Variants in CPXM2 observed in about 807,000 individuals in gnomAD.
CPXM2 encodes inactive carboxypeptidase-like protein X2.
CPXM2 carries 66 observed loss-of-function variants against 86.1 expected under a neutral mutation model. The ratio of observed to expected loss-of-function variants is 0.77; its 90% CI spans 0.63 to 0.94. The LOEUF is 0.94. Ranked by LOEUF, CPXM2 falls within the 40% of genes least tolerant of loss-of-function variation. The pLI, the probability that CPXM2 is intolerant of heterozygous loss-of-function variation, is 0.00. For synonymous variants in CPXM2, 388 were observed against 400.2 expected (o/e 0.97, Z 0.36); for missense variants, 948 against 1,026.3 (o/e 0.92, Z 1.04).
chr10:123,807,730 T>C (rs1847610386), intron 4 of CPXM2, among the ~76,000 whole-genome samples: 1 of 152,186 alleles, frequency 6.6e-6, no homozygotes, highest in Admixed American at 6.5e-5. Context: ...AAGCTGATTA[T>C]GTTATTCTTT....
chr10:123,831,414 G>T (rs1848163955), intron 4 of CPXM2, among the ~76,000 whole-genome samples: 1 of 152,262 alleles, frequency 6.6e-6, no homozygotes, highest in Non-Finnish European at 1.5e-5. Flanking sequence ...CCATGACCCA[G>T]TATCGGACAG....
chr10:123,756,174 C>A (rs1478383736), intron 12 of CPXM2, among the ~76,000 whole-genome samples: 2 of 152,148 alleles, frequency 1.3e-5, no homozygotes, highest in East Asian at 1.9e-4. Context: ...GGAAGGGGAA[C>A]CTTGTGTCCA....
chr10:123,813,214 T>C (rs1420647728), intron 4 of CPXM2, among the ~76,000 whole-genome samples: 1 of 152,236 alleles, frequency 6.6e-6, no homozygotes, highest in Non-Finnish European at 1.5e-5. Context: ...AAAGAGCAAC[T>C]GTATTAACAT....
At chr10:123,911,409 C>T (rs1439071506) in intron 2 of CPXM2, among the ~76,000 whole-genome samples, 2 of 152,106 alleles carry the variant, frequency 1.3e-5, no homozygotes, top group Admixed American at 6.5e-5. Flanking sequence ...GGGCTCCTAT[C>T]CCAGCCTTAG....
intron 4 of CPXM2, among the ~76,000 whole-genome samples, chr10:123,837,779 G>A (rs554701050): frequency 4.4e-4 from 67 of 152,070 alleles, no homozygotes; most frequent in Admixed American, 1.8e-3. Flanking sequence ...ATAAGTTATC[G>A]TATTACTTTC....
intron 4 of CPXM2, among the ~76,000 whole-genome samples, chr10:123,835,547 G>A (rs1017503966): frequency 6.6e-5 from 10 of 152,122 alleles, no homozygotes; most frequent in Admixed American, 4.6e-4. Context: ...AAACACTATG[G>A]TTCAGAAACT....
At chr10:123,806,493 T>G (rs1350428323) in intron 4 of CPXM2, among the ~76,000 whole-genome samples, 1 of 152,192 alleles carries the variant, frequency 6.6e-6, no homozygotes, top group Admixed American at 6.5e-5. Context: ...GTTATCTACA[T>G]GGAGATTATA....
Position 123,881,158 on chromosome 10 carries a change from G to A in CPXM2, c.305-849C>T, listed in dbSNP as rs987558904. ...CCCTGCTCCAGCAACACTGGCCTCC[G>A]TTTAGCCTTCAGTTCATGCTTCTTC... On this transcript the variant is annotated intron_variant, in intron 1 of 13. Transcript: ENST00000241305. 5.3e-5 allele frequency among the ~76,000 whole-genome samples: 8 copies of A among 150,948 alleles called. No homozygotes were observed. In the East Asian group the frequency reaches 7.7e-4, roughly 15 times the overall value.
intron 2 of CPXM2, among the ~76,000 whole-genome samples, chr10:123,901,313 C>T (rs778865195): frequency 9.8e-5 from 15 of 152,288 alleles, no homozygotes; most frequent in Middle Eastern, 6.8e-3. Context: ...GCTTCACTGA[C>T]TAGCTCCAGT....
upstream of CPXM2, among the ~76,000 whole-genome samples, chr10:123,896,180 T>C (rs936095391): frequency 7.9e-5 from 12 of 152,248 alleles, no homozygotes; most frequent in Non-Finnish European, 1.5e-4. Context: ...TTACGGACTT[T>C]TCACACCTGC....
At chr10:123,932,182 T>G (rs182015708) in intron 2 of CPXM2, among the ~76,000 whole-genome samples, 1 of 152,072 alleles carries the variant, frequency 6.6e-6, no homozygotes, top group East Asian at 1.9e-4. Flanking sequence ...TGGTGGTTGG[T>G]TATGTAATGC....
chr10:123,861,557 TC>T (rs1848849029), intron 3 of CPXM2, among the ~76,000 whole-genome samples: 1 of 152,124 alleles, frequency 6.6e-6, no homozygotes, highest in African/African-American at 2.4e-5. Context: ...AGGGAGATGA[TC>T]CCAGGCTATC....
chr10:123,815,998 C>T (rs539790300), intron 4 of CPXM2, among the ~76,000 whole-genome samples: 6 of 152,152 alleles, frequency 3.9e-5, no homozygotes, highest in Admixed American at 1.3e-4. Context: ...AGTTTATTTG[C>T]TTGGTTAGCT....
Position 123,875,302 on chromosome 10 carries a change from G to A in CPXM2, c.403+4909C>T, listed in dbSNP as rs1415267004. On this transcript the variant is annotated intron_variant, in intron 2 of 13. Coordinates refer to ENST00000241305, the MANE Select transcript of CPXM2 (RefSeq NM_198148.3). The stretch of plus-strand genomic sequence containing the variant: ...AATAGCAAGGAGTAGGGGCACCTTT[G>A]GTTTCCCAGTGCCCACATTTCTTGG... 2.6e-5 allele frequency among the ~76,000 whole-genome samples: 4 copies of A among 152,292 alleles called. No individual in the cohort carries two copies. The East Asian group carries it at 7.7e-4, about 29-fold the overall frequency.
intron 4 of CPXM2, among the ~76,000 whole-genome samples, chr10:123,805,301 C>A (rs1847554628): frequency 6.6e-6 from 1 of 151,902 alleles, no homozygotes; most frequent in East Asian, 1.9e-4. Flanking sequence ...CTTGAGGTCA[C>A]TGATTGTCAG....
At chr10:123,818,793 G>A (rs1045625235) in intron 4 of CPXM2, among the ~76,000 whole-genome samples, 23 of 152,148 alleles carry the variant, frequency 1.5e-4, no homozygotes, top group African/African-American at 4.6e-4. Context: ...ATACTTTGCA[G>A]GGCTGGGGCA....
chr10:123,862,783 A>T (rs1848882786), intron 2 of CPXM2, 60 bp from the exon 3 acceptor site: 1 of 1,454,538 alleles, frequency 6.9e-7, no homozygotes, highest in African/African-American at 1.4e-5. Flanking sequence ...TGAGTTTCTT[A>T]TTTTCTAAAT....
chr10:123,907,330 A>G (rs528254294), intron 2 of CPXM2, among the ~76,000 whole-genome samples: 1 of 152,354 alleles, frequency 6.6e-6, no homozygotes, highest in South Asian at 2.1e-4. Flanking sequence ...TAGAAGAGAG[A>G]CTATTATTCA....
At chr10:123,853,410 T>C (rs547894957) in intron 3 of CPXM2, among the ~76,000 whole-genome samples, 1 of 152,188 alleles carries the variant, frequency 6.6e-6, no homozygotes, top group African/African-American at 2.4e-5. Context: ...AATCCTTGTT[T>C]TGGTCATTTA....
Sources: gnomAD v4.1 joint callset for allele counts (sites outside exome capture counted in the v4.1 genomes callset) on GRCh38, gnomAD v4.1.1 for gene constraint, MANE v1.5 for transcripts, NCBI Gene and HGNC (gene_info 2026-07-23, HGNC 2026-07-21) for gene names.